Variants in RFFL observed in about 807,000 individuals in gnomAD.
The protein encoded by RFFL is E3 ubiquitin-protein ligase rififylin.
A neutral mutation model predicts 40.4 loss-of-function variants in RFFL; 16 were observed. That is an observed-to-expected ratio of 0.40 (90% CI 0.27 to 0.60). RFFL has a LOEUF of 0.60. Among genes scored for constraint, RFFL ranks in the 20% least tolerant of loss-of-function variants. The pLI is 0.47. For missense variants in RFFL, 367 were observed against 451.7 expected (o/e 0.81, Z 1.70); for synonymous variants, 154 against 167.9 (o/e 0.92, Z 0.64).
intron 1 of RFFL, among the ~76,000 whole-genome samples, chr17:35,071,663 T>C (rs2091351548): frequency 6.6e-6 from 1 of 151,678 alleles, no homozygotes; most frequent in African/African-American, 2.4e-5. Context: ...AAACTGAACA[T>C]ACACTTACTT....
chr17:35,061,470 G>A (rs1159240187), intron 1 of RFFL, among the ~76,000 whole-genome samples: 1 of 152,118 alleles, frequency 6.6e-6, no homozygotes, highest in Non-Finnish European at 1.5e-5. Context: ...CTGACTGATT[G>A]ATTTTTGGGA....
upstream of RFFL, among the ~76,000 whole-genome samples, chr17:35,064,836 T>C (rs769680831): frequency 1.2e-4 from 18 of 152,226 alleles, no homozygotes; most frequent in Non-Finnish European, 2.4e-4. Context: ...AATTTGAGTT[T>C]AAAAACTATA....
At chr17:35,017,117 G>A (rs1794677116) in intron 4 of RFFL, among the ~76,000 whole-genome samples, 1 of 151,932 alleles carries the variant, frequency 6.6e-6, no homozygotes, top group African/African-American at 2.4e-5. Flanking sequence ...ACACAACCTT[G>A]GCCACAGCTC....
At chr17:35,016,724 A>C (rs1206295393) in intron 4 of RFFL, 144 bp from the exon 5 acceptor site, 25 of 641,408 alleles carry the variant, frequency 3.9e-5, no homozygotes, top group Non-Finnish European at 6.8e-5. Context: ...AGTACCTGGC[A>C]TGGTGCTCTG....
At chr17:35,027,022 C>A (rs2091045709) in intron 1 of RFFL, among the ~76,000 whole-genome samples, 1 of 152,084 alleles carries the variant, frequency 6.6e-6, no homozygotes. Context: ...TTGTTCATTG[C>A]TTTATATAAA....
chr17:35,021,251 G>A, intron 3 of RFFL, 120 bp downstream of exon 3: 3 of 1,029,706 alleles, frequency 2.9e-6, no homozygotes, highest in South Asian at 4.1e-5. Flanking sequence ...AGTCAGAAAG[G>A]CTTCACATAA....
intron 1 of RFFL, among the ~76,000 whole-genome samples, chr17:35,047,706 G>C (rs1180326808): frequency 6.6e-6 from 1 of 151,158 alleles, no homozygotes; most frequent in Non-Finnish European, 1.5e-5. Context: ...TCCAACCTCA[G>C]CCTTCTGATT....
chr17:35,029,632 T>C (rs1346283431), intron 1 of RFFL, among the ~76,000 whole-genome samples: 1 of 151,290 alleles, frequency 6.6e-6, no homozygotes, highest in East Asian at 1.9e-4. Flanking sequence ...ACCATTCTCC[T>C]GCCTCAGCCT....
In RFFL at chr17:35,006,540, T is replaced by C. The variant is rs1005425661; in HGVS notation, c.*5428A>G. On this transcript the variant is annotated 3_prime_UTR_variant, in exon 7 of 7. Transcript: ENST00000394597. ...TAGCCCAGAGCCTAGCACATAGTTA[T>C]CTAGAGTTGGGAACGTCACTCCTGG... 4.6e-5 allele frequency: 7 copies of C among 152,246 alleles called. No individual in the cohort carries two copies. Among genetic ancestry groups the C allele is most frequent in the Admixed American group, 4.6e-4 (7 of 15,272 alleles). 9.4% of individuals were successfully genotyped at this position (152,246 alleles called of 1,614,324 possible).
In RFFL at chr17:35,011,714, C is replaced by T. The variant is rs367677444; in HGVS notation, c.*254G>A. On this transcript the variant is annotated 3_prime_UTR_variant, in exon 7 of 7. Coordinates refer to ENST00000394597, the MANE Select transcript of RFFL (RefSeq NM_001017368.2). ...TTCTCTGTTCATCAGTTACCATCAT[C>T]ACTCCAAGATCACTGAACCAAGAAC... is the stretch of plus-strand genomic sequence containing the variant. 6.6e-6 allele frequency: 3 copies of T among 453,280 alleles called. No homozygotes were observed. Among genetic ancestry groups the T allele is most frequent in the African/African-American group, 3.9e-5 (2 of 51,088 alleles). The allele number at this position is 453,280 out of a possible 1,614,324, so 28.1% of individuals were successfully genotyped here. A position where few individuals can be genotyped will look rare whatever the true frequency, so the allele number is the denominator to read the frequency against.
rs548193599 is a variant in RFFL at position 35,071,197 on chromosome 17, CA to C, written c.-9+17907del. ...TAGGCTACAGAGCAAGACTCCAACTCAAAAAAAAAAAAAAAACAAAAATTTA... is the reference window on the plus strand; with the variant it reads ...TAGGCTACAGAGCAAGACTCCAACTCAAAAAAAAAAAAAAACAAAAATTTA... On this transcript the variant is annotated intron_variant, in intron 1 of 6. Transcript: ENST00000315249. 3.8e-3 allele frequency among the ~76,000 whole-genome samples: 200 copies of C among 53,260 alleles called. 1 individual carries two copies. The highest frequency in any genetic ancestry group is 0.013 in the Admixed American group (72 of 5,454). The allele number at this position is 53,260 out of a possible 152,430, so 34.9% of individuals were successfully genotyped here. A position where few individuals can be genotyped will look rare whatever the true frequency, so the allele number is the denominator to read the frequency against.
intron 1 of RFFL, chr17:35,088,906 G>A (rs2091444307): frequency 6.6e-6 from 1 of 152,398 alleles, no homozygotes; most frequent in Admixed American, 6.5e-5. Flanking sequence ...GACAGGTGTG[G>A]GCTGCCCTGA....
At position 35,008,204 on chromosome 17, in the gene RFFL, C is replaced by A. The variant is rs2090909050; in HGVS notation, c.*3764G>T. On this transcript the variant is annotated 3_prime_UTR_variant, in exon 7 of 7. Coordinates refer to ENST00000394597, the MANE Select transcript of RFFL (RefSeq NM_001017368.2). ...TTCTAGATCAGTGTAAATATCTGAA[C>A]TCACTTGGTGCTTCAACCCAATTGG... 1 of 152,246 alleles carries A rather than the reference C, an allele frequency of 6.6e-6. No homozygotes were observed. The highest frequency in any genetic ancestry group is 2.1e-4 in the South Asian group (1 of 4,834). The allele number at this position is 152,246 out of a possible 1,614,324, so 9.4% of individuals were successfully genotyped here.
exon 1 of RFFL, chr17:35,089,209 G>T (rs1020807315): frequency 1.3e-5 from 2 of 152,008 alleles, no homozygotes; most frequent in Non-Finnish European, 2.9e-5. Flanking sequence ...ACTCCGCCGC[G>T]GCGGCGTCTC....
chr17:35,006,046 G>C lies in RFFL; in HGVS notation c.*5922C>G, dbSNP rs2090893267. On this transcript the variant is annotated 3_prime_UTR_variant, in exon 7 of 7. Transcript: ENST00000394597. ...AAGAAAATATACTCCATATCTGCAG[G>C]GAAAAAAATAAAAATCCACACCTGA... 4.5e-6 allele frequency: 1 copy of C among 224,486 alleles called. No individual in the cohort carries two copies. Among genetic ancestry groups the C allele is most frequent in the Admixed American group, 5.3e-5 (1 of 18,886 alleles). The allele number at this position is 224,486 out of a possible 1,614,324, so 13.9% of individuals were successfully genotyped here. A position where few individuals can be genotyped will look rare whatever the true frequency, so the allele number is the denominator to read the frequency against.
At chr17:35,061,480 A>T (rs1477751901) in intron 1 of RFFL, among the ~76,000 whole-genome samples, 2 of 152,134 alleles carry the variant, frequency 1.3e-5, no homozygotes, top group Non-Finnish European at 2.9e-5. Flanking sequence ...GATTTTTGGG[A>T]TGGAGTCTTC....
Position 35,010,874 on chromosome 17 carries a change from A to C in RFFL, c.*1094T>G, listed in dbSNP as rs2090933725. The C allele has an allele frequency of 6.6e-6, 1 of 152,252 alleles. No homozygotes were observed. The highest frequency in any genetic ancestry group is 1.5e-5 in the Non-Finnish European group (1 of 68,056). 9.4% of individuals were successfully genotyped at this position (152,252 alleles called of 1,614,324 possible). ...ATAAAGACTTGAACTGTCGGCTTACAACAGAATCCAGTCTCATTCAGTACC... is the reference window on the plus strand; with the variant it reads ...ATAAAGACTTGAACTGTCGGCTTACCACAGAATCCAGTCTCATTCAGTACC... On this transcript the variant is annotated 3_prime_UTR_variant, in exon 7 of 7. Coordinates refer to ENST00000394597, the MANE Select transcript of RFFL (RefSeq NM_001017368.2).
chr17:35,078,979 CAAAAAAA>C (rs1035264568), intron 1 of RFFL, among the ~76,000 whole-genome samples: 9 of 77,250 alleles, frequency 1.2e-4, no homozygotes, highest in Admixed American at 4.4e-4. Flanking sequence ...GACACTGTTT[CAAAAAAA>C]AAAAAAAAAA....
Position 35,026,446 on chromosome 17 carries a change from G to T in RFFL, c.108C>A (p.Ser36=), listed in dbSNP as rs1284694660. The T allele has an allele frequency of 6.2e-7, 1 of 1,613,996 alleles. No individual in the cohort carries two copies. The highest frequency in any genetic ancestry group is 8.5e-7 in the Non-Finnish European group (1 of 1,179,904). The change falls in exon 2 of 7, where the codon TCC becomes TCA. Residue 36 remains serine, a synonymous_variant. Transcript: ENST00000394597. ...MQAYSNPGYS[S]FPSPTGLEPS... ...GTTCCAAGCCTGTTGGGGAAGGGAA[G>T]GAGCTGTACCCAGGGTTGGAATAGG...
Sources: allele counts gnomAD v4.1 joint callset (sites outside exome capture counted in the v4.1 genomes callset), GRCh38; gene constraint gnomAD v4.1.1; transcripts MANE v1.5; gene names NCBI Gene and HGNC (gene_info 2026-07-23, HGNC 2026-07-21).